SLC6A11: variants seen among roughly 807,000 people sequenced by gnomAD.
The protein encoded by SLC6A11 is sodium- and chloride-dependent GABA transporter 3.
A neutral mutation model predicts 74.8 loss-of-function variants in SLC6A11; 25 were observed. The ratio of observed to expected loss-of-function variants is 0.33; its 90% CI spans 0.24 to 0.47. SLC6A11 has a LOEUF of 0.47. SLC6A11 is among the 20% of genes least tolerant of loss of function. The probability of loss-of-function intolerance (pLI) is 1.00; values close to 1 mark genes in which losing one functional copy is unlikely to be tolerated. For synonymous variants in SLC6A11, 330 were observed against 330.2 expected (o/e 1.00, Z 0.01); for missense variants, 574 against 837.0 (o/e 0.69, Z 3.88).
chr3:10,822,944 A>G (rs1694156543), intron 3 of SLC6A11, among the ~76,000 whole-genome samples: 5 of 152,182 alleles, frequency 3.3e-5, no homozygotes, highest in Admixed American at 3.3e-4. Flanking sequence ...TAGTCCCCCT[A>G]TTCCACTACA....
Position 10,918,452 on chromosome 3 carries a change from A to T in SLC6A11, c.1119A>T (p.Ser373=). 6.2e-7 allele frequency: 1 copy of T among 1,603,414 alleles called. No homozygotes were observed. Among genetic ancestry groups the T allele is most frequent in the Non-Finnish European group, 8.5e-7 (1 of 1,175,960 alleles). Reference sequence around the variant, plus strand: ...TACCCATTGCTGAGGTGGCAGAGTCAGGTAAGTTCGCCAAAGGTGGGGATG... The same window carrying T: ...TACCCATTGCTGAGGTGGCAGAGTCTGGTAAGTTCGCCAAAGGTGGGGATG... The part of the protein sequence containing the change: ...QGVPIAEVAE[S]GPGLAFIAYP... Residue 373 remains serine (S), a splice_region_variant and synonymous_variant, in exon 8 of 14, where the codon TCA becomes TCT. Transcript: ENST00000254488. This position sits in a 1 kb window ranked among gnomAD's most constrained non-coding sequence, Gnocchi z 4.5.
intron 11 of SLC6A11, chr3:10,933,818 A>T (rs1225722023): frequency 2.7e-6 from 1 of 367,292 alleles, no homozygotes; most frequent in African/African-American, 2.1e-5. Context: ...TTCTCCCAGA[A>T]ATTCATCATT....
At chr3:10,847,777 G>A (rs940247752) in intron 5 of SLC6A11, among the ~76,000 whole-genome samples, 4 of 152,174 alleles carry the variant, frequency 2.6e-5, no homozygotes, top group Admixed American at 2.6e-4. Context: ...TCCTGGTTAT[G>A]ACTTGCTTCA....
At chr3:10,888,980 T>A (rs1191975727) in intron 6 of SLC6A11, among the ~76,000 whole-genome samples, 1 of 152,160 alleles carries the variant, frequency 6.6e-6, no homozygotes, top group African/African-American at 2.4e-5. Flanking sequence ...GTGGGGAGGA[T>A]GAGTAAGACA....
At chr3:10,890,185 T>C (rs1695091423) in intron 6 of SLC6A11, among the ~76,000 whole-genome samples, 1 of 151,948 alleles carries the variant, frequency 6.6e-6, no homozygotes, top group South Asian at 2.1e-4. Context: ...TAGTGCTTTA[T>C]AGGAAAAAAG....
intron 5 of SLC6A11, among the ~76,000 whole-genome samples, chr3:10,855,419 G>C (rs1203826704): frequency 1.3e-5 from 2 of 152,094 alleles, no homozygotes; most frequent in African/African-American, 2.4e-5. Context: ...GCCACACCCT[G>C]CTGTCTTCTA....
At chr3:10,899,706 G>T (rs1289138473) in intron 6 of SLC6A11, among the ~76,000 whole-genome samples, 3 of 152,234 alleles carry the variant, frequency 2.0e-5, no homozygotes, top group African/African-American at 7.2e-5. Flanking sequence ...ATAAGTGCCA[G>T]AAATCCACTA....
At chr3:10,913,668 C>T (rs74279960) in intron 7 of SLC6A11, among the ~76,000 whole-genome samples, 2,311 of 152,242 alleles carry the variant, frequency 0.015, 81 homozygotes, top group East Asian at 0.12. Flanking sequence ...CACTAAAACA[C>T]CAGTAAAAAA....
intron 4 of SLC6A11, among the ~76,000 whole-genome samples, chr3:10,838,888 G>T (rs867800252): frequency 3.3e-5 from 5 of 152,192 alleles, no homozygotes; most frequent in African/African-American, 1.2e-4. Context: ...GTGTCAGGTG[G>T]TGCCGAGCAC....
At chr3:10,889,328 A>G (rs1695081313) in intron 6 of SLC6A11, among the ~76,000 whole-genome samples, 1 of 151,992 alleles carries the variant, frequency 6.6e-6, no homozygotes, top group Non-Finnish European at 1.5e-5. Context: ...TGTACCTCCT[A>G]TGGGTTTGGA....
intron 12 of SLC6A11, 80 bp downstream of exon 12, chr3:10,934,246 C>T (rs1487927127): frequency 2.1e-6 from 2 of 975,438 alleles, no homozygotes; most frequent in East Asian, 2.4e-5. Flanking sequence ...TCCGTAGCCC[C>T]CACCCTGGCC....
At chr3:10,889,899 G>GGA (rs148995401) in intron 6 of SLC6A11, among the ~76,000 whole-genome samples, 1 of 151,412 alleles carries the variant, frequency 6.6e-6, no homozygotes, top group Non-Finnish European at 1.5e-5. Flanking sequence ...ATGCCAGGGG[G>GGA]GAGAGAGAGA....
At chr3:10,917,757 G>A (rs926348336) in intron 7 of SLC6A11, among the ~76,000 whole-genome samples, 3 of 152,174 alleles carry the variant, frequency 2.0e-5, no homozygotes, top group Non-Finnish European at 2.9e-5. Context: ...AACCTGGAAG[G>A]GGCTGCTCGC....
At chr3:10,936,716 G>A (rs1373121114) in intron 13 of SLC6A11, among the ~76,000 whole-genome samples, 1 of 152,214 alleles carries the variant, frequency 6.6e-6, no homozygotes, top group East Asian at 1.9e-4. Flanking sequence ...TGTCCAGAGG[G>A]AAGCTGACCT....
chr3:10,877,211 G>C (rs990426036), intron 6 of SLC6A11, among the ~76,000 whole-genome samples: 2 of 152,212 alleles, frequency 1.3e-5, no homozygotes, highest in African/African-American at 2.4e-5. Flanking sequence ...GAGTAGTTGA[G>C]ACAGAAACCC....
At chr3:10,927,770 G>C (rs1575706945) in intron 9 of SLC6A11, among the ~76,000 whole-genome samples, 1 of 152,218 alleles carries the variant, frequency 6.6e-6, no homozygotes, top group African/African-American at 2.4e-5. Context: ...TCGCCTCTCT[G>C]TGCCTCATTC....
At chr3:10,875,303 C>A (rs1468281030) in intron 6 of SLC6A11, among the ~76,000 whole-genome samples, 2 of 152,170 alleles carry the variant, frequency 1.3e-5, no homozygotes, top group African/African-American at 4.8e-5. Flanking sequence ...TTTAAAAAGG[C>A]AAATTTGTGA....
chr3:10,930,783 C>G (rs1053337641), intron 10 of SLC6A11, among the ~76,000 whole-genome samples: 4 of 152,152 alleles, frequency 2.6e-5, no homozygotes, highest in African/African-American at 7.2e-5. Context: ...CTCACCGAGT[C>G]TCTGATACCC....
intron 4 of SLC6A11, among the ~76,000 whole-genome samples, chr3:10,841,913 C>T (rs1234406210): frequency 6.6e-6 from 1 of 152,238 alleles, no homozygotes; most frequent in Non-Finnish European, 1.5e-5. Flanking sequence ...ACAAGCTAAG[C>T]ATCTGGAGTG....
Sources: gnomAD v4.1 joint callset for allele counts (sites outside exome capture counted in the v4.1 genomes callset) on GRCh38, gnomAD v4.1.1 for gene constraint, Gnocchi (gnomAD v3.1) non-coding constraint, MANE v1.5 for transcripts, NCBI Gene and HGNC (gene_info 2026-07-23, HGNC 2026-07-21) for gene names.